Variants in CNTNAP2 observed in about 807,000 individuals in gnomAD.
CNTNAP2 encodes contactin-associated protein-like 2.
CNTNAP2 carries 98 observed loss-of-function variants against 155.2 expected under a neutral mutation model. That is an observed-to-expected ratio of 0.63 (90% confidence interval 0.54 to 0.75). The LOEUF (loss-of-function observed/expected upper bound fraction) is 0.75, where lower values mean the gene tolerates loss of function less well. Ranked by LOEUF, CNTNAP2 falls within the 30% of genes least tolerant of loss-of-function variation. The pLI is 0.00. For synonymous variants in CNTNAP2, 651 were observed against 631.2 expected, an observed-to-expected ratio of 1.03 and a Z score of -0.47; for missense variants, 1,727 against 1,688.1, an observed-to-expected ratio of 1.02 and a Z score of -0.40.
intron 8 of CNTNAP2, among the ~76,000 whole-genome samples, chr7:147,295,292 TTGTG>T (rs1334527834): frequency 1.3e-5 from 2 of 151,602 alleles, no homozygotes; most frequent in Non-Finnish European, 3.0e-5. Flanking sequence ...TGTGCACGTG[TTGTG>T]TGTGTGTGTT....
rs1490188798 is a variant in CNTNAP2, at chr7:146,563,216, C to A, written c.98-211055C>A. ...TTTCGTTGTTGTTCCTTAAATATGA[C>A]CAATGCTGTCAATTCTGCAACTATA... is the stretch of plus-strand genomic sequence containing the variant. On this transcript the variant is annotated intron_variant, in intron 1 of 23. Coordinates refer to ENST00000361727, the MANE Select transcript of CNTNAP2 (RefSeq NM_014141.6). 1.3e-5 allele frequency among the ~76,000 whole-genome samples: 2 copies of A among 152,270 alleles called. 1 individual carries two copies. The highest frequency in any genetic ancestry group is 4.2e-4 in the South Asian group (2 of 4,818).
intron 1 of CNTNAP2, among the ~76,000 whole-genome samples, chr7:146,370,360 C>A (rs1382872199): frequency 6.6e-6 from 1 of 151,258 alleles, no homozygotes; most frequent in African/African-American, 2.4e-5. Context: ...TTCGTTTGTA[C>A]CCAGCATGCG....
chr7:148,131,194 G>C (rs1034032250), intron 16 of CNTNAP2, among the ~76,000 whole-genome samples: 1 of 150,444 alleles, frequency 6.6e-6, no homozygotes, highest in African/African-American at 2.5e-5. Context: ...CGCCTCCCGG[G>C]TTCAAGCAAT....
chr7:148,096,432 G>C (rs10250224), intron 15 of CNTNAP2, among the ~76,000 whole-genome samples: 1 of 151,876 alleles, frequency 6.6e-6, no homozygotes, highest in Non-Finnish European at 1.5e-5. Context: ...TGAAATCATA[G>C]AAATTTCATG....
chr7:146,535,744 T>A (rs1797859030), intron 1 of CNTNAP2, among the ~76,000 whole-genome samples: 1 of 151,916 alleles, frequency 6.6e-6, no homozygotes, highest in African/African-American at 2.4e-5. Flanking sequence ...CAAAGGATAC[T>A]TTTCTAACCC....
intron 8 of CNTNAP2, among the ~76,000 whole-genome samples, chr7:147,203,038 T>C (rs749962014): frequency 2.0e-4 from 31 of 151,718 alleles, no homozygotes; most frequent in Non-Finnish European, 4.0e-4. Context: ...AACTCATTTT[T>C]GATTATAGAT....
intron 13 of CNTNAP2, among the ~76,000 whole-genome samples, chr7:147,899,535 A>G (rs529943376): frequency 2.6e-5 from 4 of 152,182 alleles, no homozygotes; most frequent in Non-Finnish European, 5.9e-5. Flanking sequence ...AGTTGTCAAG[A>G]GAGTGGATTT....
intron 1 of CNTNAP2, among the ~76,000 whole-genome samples, chr7:146,310,493 G>C (rs1212897012): frequency 6.6e-6 from 1 of 151,984 alleles, no homozygotes; most frequent in Non-Finnish European, 1.5e-5. Context: ...AAATCATGTA[G>C]TTCAGTGTAA....
intron 20 of CNTNAP2, among the ~76,000 whole-genome samples, chr7:148,255,004 G>A (rs943037424): frequency 2.0e-5 from 3 of 152,074 alleles, no homozygotes; most frequent in African/African-American, 7.2e-5. Context: ...ATTAATTCAT[G>A]ATTATTTTAT....
rs558459541 is a variant in CNTNAP2 at position 146,231,400 on chromosome 7, G to A, written c.97+114427G>A. Among the ~76,000 whole-genome samples the A allele has an allele frequency of 1.7e-4, 26 of 152,148 alleles. No individual in the cohort carries two copies. In the South Asian group the frequency reaches 2.1e-3, roughly 12 times the overall value. The stretch of plus-strand genomic sequence containing the variant: ...ACTTCTGCATCAATCAGTCCTGTTC[G>A]CAGCAACTAGTCACCTCCTCCTTTG... On this transcript the variant is annotated intron_variant, in intron 1 of 23. Coordinates refer to ENST00000361727, the MANE Select transcript of CNTNAP2 (RefSeq NM_014141.6).
chr7:146,763,048 C>T (rs531301575), intron 1 of CNTNAP2, among the ~76,000 whole-genome samples: 2 of 151,908 alleles, frequency 1.3e-5, no homozygotes, highest in African/African-American at 2.4e-5. Context: ...AATTCAGATG[C>T]GATTTGGGTT....
chr7:147,576,459 A>G (rs1248264944), intron 12 of CNTNAP2, among the ~76,000 whole-genome samples: 1 of 152,094 alleles, frequency 6.6e-6, no homozygotes, highest in African/African-American at 2.4e-5. Flanking sequence ...TTGTCCTTGT[A>G]TGGCTGTTTT....
chr7:146,260,874 C>T lies in CNTNAP2; in HGVS notation c.97+143901C>T, dbSNP rs145778513. Among the ~76,000 whole-genome samples the T allele has an allele frequency of 2.3e-3, 343 of 152,240 alleles. 3 individuals carry two copies. Among genetic ancestry groups the T allele is most frequent in the African/African-American group, 8.0e-3 (334 of 41,548 alleles). On this transcript the variant is annotated intron_variant, in intron 1 of 23. Transcript: ENST00000361727. ...GTTTCGAAGTGTGAAAAGGACATGA[C>T]ATTTGGAAGGTGGCAGAGGTGGAAT...
At chr7:147,850,176 A>G (rs1438992018) in intron 13 of CNTNAP2, among the ~76,000 whole-genome samples, 1 of 152,264 alleles carries the variant, frequency 6.6e-6, no homozygotes, top group African/African-American at 2.4e-5. Context: ...AATGCTTCAA[A>G]GAGAATAAAA....
At chr7:148,020,179 A>G (rs1221176882) in intron 15 of CNTNAP2, among the ~76,000 whole-genome samples, 1 of 152,234 alleles carries the variant, frequency 6.6e-6, no homozygotes, top group African/African-American at 2.4e-5. Flanking sequence ...CATCATCAGC[A>G]GTACACTTGG....
intron 1 of CNTNAP2, among the ~76,000 whole-genome samples, chr7:146,573,677 G>A (rs898839732): frequency 6.6e-6 from 1 of 152,132 alleles, no homozygotes. Flanking sequence ...ACAAAGAGGA[G>A]TCAGTTATTT....
At position 146,699,900 on chromosome 7, in the gene CNTNAP2, G is replaced by A. The variant is rs191161086; in HGVS notation, c.98-74371G>A. ...CAAGAATCTCTTGAACCTGGGAAGCGGAGGCTGCAGTGAGCAGAGATTGTG... is the reference window on the plus strand; with the variant it reads ...CAAGAATCTCTTGAACCTGGGAAGCAGAGGCTGCAGTGAGCAGAGATTGTG... On this transcript the variant is annotated intron_variant, in intron 1 of 23. Transcript: ENST00000361727. 8.1e-4 allele frequency among the ~76,000 whole-genome samples: 123 copies of A among 152,214 alleles called. 1 individual carries two copies. The highest frequency in any genetic ancestry group is 2.9e-3 in the African/African-American group (120 of 41,540).
intron 19 of CNTNAP2, among the ~76,000 whole-genome samples, chr7:148,219,260 A>C (rs1585195897): frequency 6.6e-6 from 1 of 152,254 alleles, no homozygotes; most frequent in African/African-American, 2.4e-5. Flanking sequence ...TTTTTAATGA[A>C]TAAAAATATT....
chr7:147,519,501 C>G (rs1307794692), intron 11 of CNTNAP2, among the ~76,000 whole-genome samples: 2 of 152,190 alleles, frequency 1.3e-5, no homozygotes, highest in Non-Finnish European at 2.9e-5. Context: ...GATAGGGCAG[C>G]AACATCTTGG....
Sources: gnomAD v4.1 joint callset for allele counts (sites outside exome capture counted in the v4.1 genomes callset) on GRCh38, gnomAD v4.1.1 for gene constraint, MANE v1.5 for transcripts, NCBI Gene and HGNC (gene_info 2026-07-23, HGNC 2026-07-21) for gene names.